LRP1B: variants seen among roughly 807,000 people sequenced by gnomAD.
The protein encoded by LRP1B is low-density lipoprotein receptor-related protein 1B.
A neutral mutation model predicts 556.6 loss-of-function variants in LRP1B; 217 were observed. The observed-to-expected ratio is 0.39, with a 90% CI of 0.35 to 0.44. LRP1B has a LOEUF of 0.44. LRP1B is among the 20% of genes least tolerant of loss of function. The probability of loss-of-function intolerance (pLI) is 1.00; values close to 1 mark genes in which losing one functional copy is unlikely to be tolerated. For missense variants in LRP1B, 5,053 were observed against 5,620.8 expected, an observed-to-expected ratio of 0.90 and a Z score of 3.23; for synonymous variants, 2,047 against 1,865.8, an observed-to-expected ratio of 1.10 and a Z score of -2.50.
At chr2:141,942,116 T>C (rs1205550582) in intron 1 of LRP1B, among the ~76,000 whole-genome samples, 1 of 152,140 alleles carries the variant, frequency 6.6e-6, no homozygotes, top group Admixed American at 6.6e-5. Flanking sequence ...AATCAGTTCA[T>C]CTGGGTTAAA....
chr2:141,644,419 C>T (rs1025142440), intron 2 of LRP1B, among the ~76,000 whole-genome samples: 2 of 152,026 alleles, frequency 1.3e-5, no homozygotes, highest in Admixed American at 6.6e-5. Flanking sequence ...CGCCCAGCCA[C>T]GTGAAACTGT....
chr2:142,098,160 A>G (rs7557587), intron 1 of LRP1B, among the ~76,000 whole-genome samples: 8,706 of 151,710 alleles, frequency 0.057, 814 homozygotes, highest in African/African-American at 0.2. Context: ...ACTAACAGTT[A>G]CCTGCTAAAA....
intron 82 of LRP1B, among the ~76,000 whole-genome samples, chr2:140,316,178 G>A (rs1573778076): frequency 1.3e-5 from 2 of 152,072 alleles, no homozygotes; most frequent in East Asian, 3.9e-4. Context: ...AGTGTTCAAT[G>A]GAACAAAACT....
At chr2:140,556,963 CTAAGA>C (rs1345768048) in intron 43 of LRP1B, among the ~76,000 whole-genome samples, 3 of 151,788 alleles carry the variant, frequency 2.0e-5, no homozygotes, top group Non-Finnish European at 4.4e-5. Context: ...TGATGTCATC[CTAAGA>C]TATTTCTTAA....
chr2:141,392,991 G>A (rs1041149853), intron 3 of LRP1B, among the ~76,000 whole-genome samples: 1 of 152,150 alleles, frequency 6.6e-6, no homozygotes, highest in African/African-American at 2.4e-5. Flanking sequence ...CGCACTGTGA[G>A]CCTTGGCTTA....
chr2:140,508,549 A>G (rs984879285), intron 52 of LRP1B, among the ~76,000 whole-genome samples: 4 of 152,192 alleles, frequency 2.6e-5, no homozygotes, highest in Admixed American at 2.6e-4. Context: ...TTAAAGCTGT[A>G]TAGAAGCCAC....
At chr2:140,765,620 T>C (rs1689076313) in intron 35 of LRP1B, among the ~76,000 whole-genome samples, 1 of 152,164 alleles carries the variant, frequency 6.6e-6, no homozygotes, top group African/African-American at 2.4e-5. Context: ...ATTTTAAATC[T>C]AGCCACAGGG....
intron 1 of LRP1B, among the ~76,000 whole-genome samples, chr2:142,020,463 T>A (rs1044978742): frequency 1.3e-5 from 2 of 152,196 alleles, no homozygotes; most frequent in Admixed American, 1.3e-4. Context: ...TGTGATAATC[T>A]GAGACAGTAT....
intron 1 of LRP1B, among the ~76,000 whole-genome samples, chr2:141,894,635 T>TAGATCTAGATCTAGATCTAGATC (rs1699386754): frequency 6.8e-6 from 1 of 147,718 alleles, no homozygotes; most frequent in African/African-American, 2.5e-5. Context: ...AATAGAATAT[T>TAGATCTAGATCTAGATCTAGATC]TAGATCTAGA....
chr2:140,308,292 A>G (rs1558788907), intron 83 of LRP1B, among the ~76,000 whole-genome samples: 1 of 151,774 alleles, frequency 6.6e-6, no homozygotes, highest in African/African-American at 2.4e-5. Context: ...ATGTCAAAGT[A>G]TGTAAAAAAC....
At chr2:141,973,945 T>C (rs561094981) in intron 1 of LRP1B, among the ~76,000 whole-genome samples, 1 of 152,008 alleles carries the variant, frequency 6.6e-6, no homozygotes, top group Non-Finnish European at 1.5e-5. Context: ...CAAATGGATA[T>C]AATCAAAATG....
intron 55 of LRP1B, among the ~76,000 whole-genome samples, chr2:140,498,892 C>T (rs755547699): frequency 6.6e-6 from 1 of 151,690 alleles, no homozygotes; most frequent in Non-Finnish European, 1.5e-5. Flanking sequence ...CTGGTCTCAT[C>T]CTGAATGTTT....
Position 141,132,818 on chromosome 2 carries a change from A to G in LRP1B, c.1013+55603T>C, listed in dbSNP as rs552502151. On this transcript the variant is annotated intron_variant, in intron 7 of 90. Transcript: ENST00000389484. ...CATGTGTGTGATACACAAATATAAA[A>G]AAGTATAGCTTTTTATATTTTTTAA... 2.6e-5 allele frequency among the ~76,000 whole-genome samples: 4 copies of G among 152,210 alleles called. No individual in the cohort carries two copies. The East Asian group carries it at 7.7e-4, about 29-fold the overall frequency.
chr2:140,792,130 C>T (rs189555911), intron 32 of LRP1B, among the ~76,000 whole-genome samples: 29 of 152,280 alleles, frequency 1.9e-4, no homozygotes, highest in Non-Finnish European at 3.1e-4. Context: ...CCACAGTGGT[C>T]ATCCTTTCAA....
At chr2:142,005,641 G>A (rs1433163352) in intron 1 of LRP1B, among the ~76,000 whole-genome samples, 1 of 152,076 alleles carries the variant, frequency 6.6e-6, no homozygotes, top group Non-Finnish European at 1.5e-5. Flanking sequence ...GTGAATCTCA[G>A]CACCACTAAG....
At position 140,851,666 on chromosome 2, in the gene LRP1B, T is replaced by C. The variant is rs767161248; in HGVS notation, c.4697A>G (p.Lys1566Arg). 4.3e-6 allele frequency: 7 copies of C among 1,609,706 alleles called. No individual in the cohort carries two copies. In the East Asian group the frequency reaches 1.6e-4, roughly 36 times the overall value. ...CPHLMKLSSD[K>R]KTCYEMKKFL... is the part of the protein sequence containing the mutation. ...AAGAAATTTACCATAGCAGGTCTTC[T>C]TGTCTGAAGAAAGCTTCATCAAGTG... The change falls in exon 28 of 91, where the codon AAG (lysine) becomes AGG (arginine). Residue 1566 changes from lysine (K) to arginine (R), a missense_variant. Around this residue, in one of 5 missense-constraint regions of LRP1B, gnomAD observed 3,619 missense variants for 3,931.9 expected, o/e 0.92. Coordinates refer to ENST00000389484, the MANE Select transcript of LRP1B (RefSeq NM_018557.3).
intron 3 of LRP1B, among the ~76,000 whole-genome samples, chr2:141,303,487 C>A (rs72856405): frequency 1.3e-5 from 2 of 152,118 alleles, no homozygotes; most frequent in Non-Finnish European, 2.9e-5. Flanking sequence ...TACTTTCTGC[C>A]TCCATGAAAT....
At chr2:140,701,873 A>G in intron 39 of LRP1B, 28 bp from the exon 40 acceptor site, 1 of 1,612,016 alleles carries the variant, frequency 6.2e-7, no homozygotes, top group East Asian at 2.2e-5. Flanking sequence ...ATACATGATC[A>G]ACAATCTTCG....
chr2:141,426,757 A>G (rs1173449413), intron 3 of LRP1B, among the ~76,000 whole-genome samples: 4 of 152,172 alleles, frequency 2.6e-5, no homozygotes, highest in Non-Finnish European at 5.9e-5. Flanking sequence ...TTTAGGCTGT[A>G]TTTCCCAGTG....
Sources: allele counts gnomAD v4.1 joint callset (sites outside exome capture counted in the v4.1 genomes callset), GRCh38; gene constraint gnomAD v4.1.1; regional missense constraint gnomAD v4.1.1; transcripts MANE v1.5; gene names NCBI Gene and HGNC (gene_info 2026-07-23, HGNC 2026-07-21).